The following CKAP2L variants were observed in gnomAD, a reference collection of about 807,000 sequenced individuals.
The protein encoded by CKAP2L is cytoskeleton-associated protein 2-like.
CKAP2L carries 42 observed loss-of-function variants against 65.7 expected under a neutral mutation model. The ratio of observed to expected loss-of-function variants is 0.64; its 90% confidence interval spans 0.50 to 0.83. The LOEUF (loss-of-function observed/expected upper bound fraction) is 0.83. CKAP2L is among the 40% of genes least tolerant of loss of function. The pLI, the probability that CKAP2L is intolerant of heterozygous loss-of-function variation, is 0.00. For missense variants in CKAP2L, 908 were observed against 871.0 expected, an observed-to-expected ratio of 1.04 and a Z score of -0.53; for synonymous variants, 325 against 313.5, an observed-to-expected ratio of 1.04 and a Z score of -0.39.
At chr2:112,757,284 T>G in intron 3 of CKAP2L, 70 bp from the exon 4 acceptor site, 2 of 1,047,208 alleles carry the variant, frequency 1.9e-6, no homozygotes, top group Non-Finnish European at 2.7e-6. Flanking sequence ...ATAATAACTG[T>G]GTTTAACACA....
At position 112,745,196 on chromosome 2, in the gene CKAP2L, A is replaced by G. The variant is rs977597300; in HGVS notation, c.1758+1224T>C. Among the ~76,000 whole-genome samples, 3 of 152,190 alleles carry G rather than the reference A, an allele frequency of 2.0e-5. No individual in the cohort carries two copies. In the East Asian group the frequency reaches 5.8e-4, roughly 29 times the overall value. On this transcript the variant is annotated intron_variant, in intron 6 of 8. Coordinates refer to ENST00000302450, the MANE Select transcript of CKAP2L (RefSeq NM_152515.5). ...TATCTAAGAAAAAGGAATCAATAGA[A>G]TATCTGATGTTTTCAAAGTATTGAG...
At chr2:112,757,435 T>C (rs1680580046) in intron 3 of CKAP2L, among the ~76,000 whole-genome samples, 1 of 145,418 alleles carries the variant, frequency 6.9e-6, no homozygotes, top group South Asian at 2.2e-4. Context: ...TGTCACCCAG[T>C]CTGGTGTGCA....
chr2:112,763,022 G>A (rs191911183), intron 1 of CKAP2L, among the ~76,000 whole-genome samples: 2 of 152,334 alleles, frequency 1.3e-5, no homozygotes, highest in East Asian at 1.9e-4. Context: ...CTGAGCTCAA[G>A]TGACCCTCCT....
At chr2:112,754,080 T>C (rs762985217) in intron 4 of CKAP2L, among the ~76,000 whole-genome samples, 3 of 152,222 alleles carry the variant, frequency 2.0e-5, no homozygotes, top group Non-Finnish European at 4.4e-5. Flanking sequence ...CACCTTTTAG[T>C]GTGCAATTCT....
intron 6 of CKAP2L, 48 bp downstream of exon 6, chr2:112,746,372 A>T: frequency 6.7e-7 from 1 of 1,498,312 alleles, no homozygotes; most frequent in Non-Finnish European, 9.1e-7. Context: ...CAGAGAACTC[A>T]CATGAAAGAG....
intron 1 of CKAP2L, chr2:112,764,208 C>T (rs1352771401): frequency 2.9e-6 from 1 of 346,184 alleles, no homozygotes; most frequent in Admixed American, 4.4e-5. Flanking sequence ...CTGCCTGGAG[C>T]CAAATGTGGA....
intron 4 of CKAP2L, 125 bp downstream of exon 4, chr2:112,755,852 T>A: frequency 1.1e-6 from 1 of 894,384 alleles, no homozygotes; most frequent in East Asian, 2.5e-5. Flanking sequence ...CAAATCTTTT[T>A]TCAGACTGTA....
chr2:112,757,260 T>C (rs371877367), intron 3 of CKAP2L, 46 bp from the exon 4 acceptor site: 2 of 1,286,566 alleles, frequency 1.6e-6, no homozygotes, highest in South Asian at 1.5e-5. Flanking sequence ...TTAACATATC[T>C]TATTGTTTTT....
intron 2 of CKAP2L, among the ~76,000 whole-genome samples, chr2:112,761,928 A>G (rs1471130449): frequency 6.6e-6 from 1 of 152,254 alleles, no homozygotes; most frequent in Non-Finnish European, 1.5e-5. Flanking sequence ...TTAATTTTCA[A>G]ATAAATACTT....
chr2:112,760,685 AT>A, intron 3 of CKAP2L, 27 bp downstream of exon 3: 1 of 1,222,560 alleles, frequency 8.2e-7, no homozygotes, highest in Non-Finnish European at 1.2e-6. Flanking sequence ...ATGAATGCAT[AT>A]TTTTAAAAAG....
rs897862455 is a variant in CKAP2L at position 112,738,522 on chromosome 2, A to G, written c.*301T>C. 3.5e-6 allele frequency: 1 copy of G among 286,658 alleles called. No individual in the cohort carries two copies. Among genetic ancestry groups the G allele is most frequent in the African/African-American group, 2.2e-5 (1 of 45,034 alleles). The allele number at this position is 286,658 out of a possible 1,614,324, so 17.8% of individuals were successfully genotyped here. A position where few individuals can be genotyped will look rare whatever the true frequency, so the allele number is the denominator to read the frequency against. On this transcript the variant is annotated 3_prime_UTR_variant, in exon 9 of 9. Coordinates refer to ENST00000302450, the MANE Select transcript of CKAP2L (RefSeq NM_152515.5). ...TGGGACCAACCTTCTGATATAAAAA[A>G]CTATGTTGGGATTAAAGTAGATCAA...
intron 3 of CKAP2L, 23 bp from the exon 4 acceptor site, chr2:112,757,237 T>C (rs1680570112): frequency 6.7e-7 from 1 of 1,491,544 alleles, no homozygotes. Context: ...AGAAAATACA[T>C]ATTAAAAAAT....
At chr2:112,742,672 G>C (rs1177727711) in intron 7 of CKAP2L, 34 bp downstream of exon 7, 3 of 1,324,258 alleles carry the variant, frequency 2.3e-6, no homozygotes, top group Non-Finnish European at 3.2e-6. Context: ...GGTACAGCTA[G>C]AGAAGATGAA....
At chr2:112,748,250 A>C (rs1680261964) in intron 5 of CKAP2L, among the ~76,000 whole-genome samples, 1 of 152,182 alleles carries the variant, frequency 6.6e-6, no homozygotes, top group Non-Finnish European at 1.5e-5. Context: ...TAGAAAACCA[A>C]AGATAAAAAG....
At chr2:112,743,004 A>G in intron 6 of CKAP2L, 1 of 495,214 alleles carries the variant, frequency 2.0e-6, no homozygotes. Flanking sequence ...ATGTATTTAA[A>G]GTTGTCCATA....
chr2:112,750,904 A>G (rs1164600475), intron 5 of CKAP2L, among the ~76,000 whole-genome samples: 2 of 152,146 alleles, frequency 1.3e-5, no homozygotes, highest in Non-Finnish European at 2.9e-5. Flanking sequence ...AAGAGAAAAA[A>G]TAATCAATAA....
chr2:112,737,751 T>C lies in CKAP2L; in HGVS notation c.*1072A>G, dbSNP rs752843845. Reference sequence around the variant, plus strand: ...ACCTTTGATCAAAGTCCATTCTCCTTGGTAATGAATGCTCCTTGTTTCTTA... The same window carrying C: ...ACCTTTGATCAAAGTCCATTCTCCTCGGTAATGAATGCTCCTTGTTTCTTA... On this transcript the variant is annotated 3_prime_UTR_variant, in exon 9 of 9. Coordinates refer to ENST00000302450, the MANE Select transcript of CKAP2L (RefSeq NM_152515.5). 1 of 152,148 alleles carries C rather than the reference T, an allele frequency of 6.6e-6. No homozygotes were observed. Among genetic ancestry groups the C allele is most frequent in the Non-Finnish European group, 1.5e-5 (1 of 68,022 alleles). 9.4% of individuals were successfully genotyped at this position (152,148 alleles called of 1,614,324 possible).
chr2:112,743,793 CTTCTT>C (rs547512205), intron 6 of CKAP2L, among the ~76,000 whole-genome samples: 6 of 151,432 alleles, frequency 4.0e-5, no homozygotes, highest in East Asian at 1.9e-4. Flanking sequence ...TCCTGTCTTT[CTTCTT>C]TTATTTGTTA....
At chr2:112,753,635 C>G (rs1242137867) in intron 4 of CKAP2L, among the ~76,000 whole-genome samples, 2 of 141,772 alleles carry the variant, frequency 1.4e-5, no homozygotes, top group Non-Finnish European at 3.0e-5. Flanking sequence ...TCAAGTGATT[C>G]TTGTGCCTCA....
Sources: gnomAD v4.1 joint callset for allele counts (sites outside exome capture counted in the v4.1 genomes callset) on GRCh38, gnomAD v4.1.1 for gene constraint, MANE v1.5 for transcripts, NCBI Gene and HGNC (gene_info 2026-07-23, HGNC 2026-07-21) for gene names.